Variants in VNN1 observed in about 807,000 individuals in gnomAD.
VNN1 encodes pantetheinase.
A neutral mutation model predicts 41.9 loss-of-function variants in VNN1; 29 were observed. The ratio of observed to expected loss-of-function variants is 0.69; its 90% CI spans 0.52 to 0.94. VNN1 has a LOEUF of 0.94. Among genes scored for constraint, VNN1 ranks in the 40% least tolerant of loss-of-function variants. The probability of loss-of-function intolerance (pLI) is 0.00; values close to 1 mark genes in which losing one functional copy is unlikely to be tolerated. For synonymous variants in VNN1, 233 were observed against 224.4 expected, an observed-to-expected ratio of 1.04 and a Z score of -0.34; for missense variants, 637 against 621.1, an observed-to-expected ratio of 1.03 and a Z score of -0.27.
intron 5 of VNN1, among the ~76,000 whole-genome samples, chr6:132,685,164 G>T (rs554107556): frequency 5.3e-5 from 8 of 152,178 alleles, no homozygotes; most frequent in African/African-American, 1.4e-4. Flanking sequence ...TCTATACTGC[G>T]CAAGAACTGA....
intron 2 of VNN1, among the ~76,000 whole-genome samples, chr6:132,700,509 C>G (rs1334114755): frequency 1.3e-5 from 2 of 152,118 alleles, no homozygotes; most frequent in African/African-American, 2.4e-5. Flanking sequence ...CCCATCTTGG[C>G]TATCCCCACT....
intron 2 of VNN1, among the ~76,000 whole-genome samples, chr6:132,704,576 G>C (rs72992310): frequency 6.6e-6 from 1 of 152,020 alleles, no homozygotes; most frequent in East Asian, 1.9e-4. Flanking sequence ...TAAGAGGAAA[G>C]TTTATAGCTA....
At chr6:132,691,097 A>G (rs1274588509) in intron 5 of VNN1, among the ~76,000 whole-genome samples, 1 of 152,252 alleles carries the variant, frequency 6.6e-6, no homozygotes, top group East Asian at 1.9e-4. Flanking sequence ...GCAGAAGCCC[A>G]GGATATTTGT....
At chr6:132,692,616 A>G (rs2114345076) in intron 4 of VNN1, 32 bp from the exon 5 acceptor site, 1 of 1,523,506 alleles carries the variant, frequency 6.6e-7, no homozygotes, top group East Asian at 2.3e-5. Flanking sequence ...CATCATTTGA[A>G]ATTGGAAAGT....
chr6:132,713,677 T>C, intron 1 of VNN1, 149 bp downstream of exon 1: 2 of 817,132 alleles, frequency 2.4e-6, no homozygotes, highest in Non-Finnish European at 3.6e-6. Flanking sequence ...GAGAGGAAAG[T>C]AGAATTCTAA....
At chr6:132,704,303 T>G (rs1056997257) in intron 2 of VNN1, among the ~76,000 whole-genome samples, 1 of 152,270 alleles carries the variant, frequency 6.6e-6, no homozygotes, top group Admixed American at 6.5e-5. Context: ...AGAGACCATA[T>G]GTTAGGTCAC....
intron 2 of VNN1, among the ~76,000 whole-genome samples, chr6:132,696,162 T>A (rs750207573): frequency 6.6e-6 from 1 of 151,078 alleles, no homozygotes; most frequent in South Asian, 2.1e-4. Flanking sequence ...CTAAAAAGAA[T>A]CTGGAGCTGA....
At chr6:132,709,780 T>A (rs1396412139) in intron 2 of VNN1, among the ~76,000 whole-genome samples, 2 of 152,206 alleles carry the variant, frequency 1.3e-5, no homozygotes, top group East Asian at 3.9e-4. Context: ...GAATGGGACA[T>A]CCTTGTGGGG....
At chr6:132,701,519 A>G (rs118085658) in intron 2 of VNN1, among the ~76,000 whole-genome samples, 2 of 152,338 alleles carry the variant, frequency 1.3e-5, no homozygotes, top group East Asian at 3.9e-4. Context: ...CACCACTTCT[A>G]TTCAACATCA....
At chr6:132,687,931 A>T (rs1283785900) in intron 5 of VNN1, among the ~76,000 whole-genome samples, 2 of 152,208 alleles carry the variant, frequency 1.3e-5, no homozygotes, top group Non-Finnish European at 2.9e-5. Flanking sequence ...ATACTGATAT[A>T]AACAAAATTA....
chr6:132,693,883 A>G lies in VNN1; in HGVS notation c.534+107T>C, dbSNP rs2114347571. ...TCATTACTTTCTATGCTTTGCCCCT[A>G]CTCGATTTCTAAAGTGTGCTTATCA... On this transcript the variant is annotated intron_variant, in intron 3 of 6. Transcript: ENST00000367928. 3 of 1,309,590 alleles carry G rather than the reference A, an allele frequency of 2.3e-6. No individual in the cohort carries two copies. The Admixed American group carries it at 5.7e-5, about 25-fold the overall frequency. 81.1% of individuals were successfully genotyped at this position (1,309,590 alleles called of 1,614,324 possible).
chr6:132,691,274 A>G (rs547713318), intron 5 of VNN1, among the ~76,000 whole-genome samples: 7 of 152,332 alleles, frequency 4.6e-5, no homozygotes, highest in African/African-American at 1.7e-4. Flanking sequence ...TGTAACTACA[A>G]TATGGAGAAC....
chr6:132,687,848 A>G (rs1032158358), intron 5 of VNN1, among the ~76,000 whole-genome samples: 2 of 152,208 alleles, frequency 1.3e-5, no homozygotes, highest in African/African-American at 4.8e-5. Context: ...TTAAAAAAAT[A>G]AGGCAATTAA....
chr6:132,710,852 T>A (rs1778589613), intron 2 of VNN1, among the ~76,000 whole-genome samples: 2 of 152,246 alleles, frequency 1.3e-5, no homozygotes, highest in Admixed American at 1.3e-4. Context: ...TGTGTCTTTA[T>A]AGTAAAATGA....
intron 2 of VNN1, among the ~76,000 whole-genome samples, chr6:132,702,462 G>T (rs1281867952): frequency 6.6e-6 from 1 of 152,166 alleles, no homozygotes; most frequent in Admixed American, 6.6e-5. Flanking sequence ...ACAATTCCTA[G>T]GCAAGTCCTA....
intron 2 of VNN1, among the ~76,000 whole-genome samples, chr6:132,706,062 A>G (rs1293233100): frequency 6.6e-6 from 1 of 152,210 alleles, no homozygotes; most frequent in African/African-American, 2.4e-5. Context: ...TGGAAGAATC[A>G]ATATTGTTAA....
At chr6:132,694,236 A>G in intron 2 of VNN1, 54 bp from the exon 3 acceptor site, 1 of 1,487,378 alleles carries the variant, frequency 6.7e-7, no homozygotes, top group South Asian at 1.4e-5. Flanking sequence ...CTTAACTCTC[A>G]ACAAAATCCT....
At chr6:132,691,454 C>A (rs1486542305) in intron 5 of VNN1, among the ~76,000 whole-genome samples, 1 of 152,086 alleles carries the variant, frequency 6.6e-6, no homozygotes, top group Non-Finnish European at 1.5e-5. Flanking sequence ...ATTGAACTAT[C>A]TTGGTGGTCA....
At chr6:132,705,774 C>T (rs1778509546) in intron 2 of VNN1, among the ~76,000 whole-genome samples, 1 of 152,060 alleles carries the variant, frequency 6.6e-6, no homozygotes, top group Admixed American at 6.6e-5. Context: ...ACCCTAAAGA[C>T]TCCACCAAAA....
Sources: allele counts gnomAD v4.1 joint callset (sites outside exome capture counted in the v4.1 genomes callset), GRCh38; gene constraint gnomAD v4.1.1; transcripts MANE v1.5; gene names NCBI Gene and HGNC (gene_info 2026-07-23, HGNC 2026-07-21).